Variants in DOCK4 observed in about 807,000 individuals in gnomAD.
DOCK4 encodes dedicator of cytokinesis protein 4.
DOCK4 carries 97 observed loss-of-function variants against 268.1 expected under a neutral mutation model. The ratio of observed to expected loss-of-function variants is 0.36; its 90% CI spans 0.31 to 0.43. The LOEUF is 0.43. DOCK4 is among the 20% of genes least tolerant of loss of function. DOCK4 has a pLI of 1.00. For missense variants in DOCK4, 2,145 were observed against 2,455.7 expected (o/e 0.87, Z 2.67); for synonymous variants, 954 against 887.2 (o/e 1.08, Z -1.34).
chr7:111,998,086 T>G (rs537463472), intron 4 of DOCK4, among the ~76,000 whole-genome samples: 1 of 152,194 alleles, frequency 6.6e-6, no homozygotes, highest in African/African-American at 2.4e-5. Context: ...GTGGTGAACC[T>G]AGGAAATTCC....
At position 111,945,910 on chromosome 7, in the gene DOCK4, T is replaced by C. The variant is rs538469333; in HGVS notation, c.702-112A>G. 7.2e-4 allele frequency: 535 copies of C among 741,294 alleles called. 11 individuals are homozygous for C. In the South Asian group the frequency reaches 9.1e-3, roughly 13 times the overall value. 45.9% of individuals were successfully genotyped at this position (741,294 alleles called of 1,614,324 possible). A position where few individuals can be genotyped will look rare whatever the true frequency, so the allele number is the denominator to read the frequency against. Reference sequence around the variant, plus strand: ...TAAGCTAAATATTAGGTTGTTCATTTAACATCAACATTGCTTATATAAATT... The same window carrying C: ...TAAGCTAAATATTAGGTTGTTCATTCAACATCAACATTGCTTATATAAATT... On this transcript the variant is annotated intron_variant, in intron 8 of 52. Transcript: ENST00000428084.
chr7:112,143,362 T>C (rs977743167), intron 1 of DOCK4, among the ~76,000 whole-genome samples: 1 of 152,146 alleles, frequency 6.6e-6, no homozygotes, highest in African/African-American at 2.4e-5. Flanking sequence ...GCTGAGCTTA[T>C]ATACGGTCAA....
chr7:112,026,982 T>G (rs1159471146), intron 1 of DOCK4, among the ~76,000 whole-genome samples: 1 of 152,210 alleles, frequency 6.6e-6, no homozygotes, highest in Non-Finnish European at 1.5e-5. Flanking sequence ...ACAGAAAATG[T>G]TGCTCGGCTG....
intron 40 of DOCK4, among the ~76,000 whole-genome samples, 190 bp from the exon 41 acceptor site, chr7:111,758,980 T>C (rs577077272): frequency 6.6e-6 from 1 of 152,250 alleles, no homozygotes; most frequent in African/African-American, 2.4e-5. Context: ...AAACTACAGG[T>C]CTTGAACTAG....
At chr7:112,139,759 A>G (rs1369196750) in intron 1 of DOCK4, among the ~76,000 whole-genome samples, 1 of 152,236 alleles carries the variant, frequency 6.6e-6, no homozygotes, top group African/African-American at 2.4e-5. Context: ...AGAAAAAATC[A>G]TTATCTTTTT....
intron 12 of DOCK4, among the ~76,000 whole-genome samples, chr7:111,933,444 G>A (rs1307626668): frequency 1.3e-5 from 2 of 150,994 alleles, no homozygotes; most frequent in Admixed American, 1.3e-4. Flanking sequence ...ACAGGCACGC[G>A]CCACCAGGCC....
intron 27 of DOCK4, among the ~76,000 whole-genome samples, chr7:111,813,584 A>G (rs1801311039): frequency 6.6e-6 from 1 of 152,204 alleles, no homozygotes; most frequent in Admixed American, 6.5e-5. Flanking sequence ...TACATATGTC[A>G]TATGTACCTT....
intron 1 of DOCK4, among the ~76,000 whole-genome samples, chr7:112,109,458 T>C (rs1563092991): frequency 1.3e-5 from 2 of 152,168 alleles, no homozygotes; most frequent in South Asian, 4.1e-4. Flanking sequence ...ACTGTTCTTT[T>C]GAAGAAAATG....
At chr7:112,041,941 G>T (rs960857178) in intron 1 of DOCK4, among the ~76,000 whole-genome samples, 1 of 152,086 alleles carries the variant, frequency 6.6e-6, no homozygotes, top group African/African-American at 2.4e-5. Context: ...GGCGTATAGG[G>T]GAATACAGCT....
At chr7:112,178,821 C>T (rs915193744) in intron 1 of DOCK4, among the ~76,000 whole-genome samples, 7 of 152,112 alleles carry the variant, frequency 4.6e-5, no homozygotes, top group African/African-American at 1.4e-4. Context: ...TCGGAACTAC[C>T]GATGAGCTCA....
chr7:111,747,504 G>C (rs918163558), intron 42 of DOCK4, 61 bp from the exon 43 acceptor site: 1 of 1,472,814 alleles, frequency 6.8e-7, no homozygotes. Flanking sequence ...GAAAGACAAA[G>C]TAGTTTATCC....
intron 1 of DOCK4, among the ~76,000 whole-genome samples, chr7:112,157,601 T>C (rs1209315480): frequency 2.0e-5 from 3 of 152,166 alleles, no homozygotes; most frequent in African/African-American, 7.2e-5. Context: ...GCACCCTAAC[T>C]CTGCCCTGGT....
intron 1 of DOCK4, among the ~76,000 whole-genome samples, chr7:112,034,765 G>C (rs1803592459): frequency 6.6e-6 from 1 of 152,112 alleles, no homozygotes; most frequent in Non-Finnish European, 1.5e-5. Context: ...TGTTTGGTGT[G>C]GTGGCGTGCA....
At chr7:111,846,396 TAAGC>T (rs1485191055) in intron 24 of DOCK4, among the ~76,000 whole-genome samples, 1 of 152,224 alleles carries the variant, frequency 6.6e-6, no homozygotes, top group Admixed American at 6.5e-5. Flanking sequence ...GTCCCATTTA[TAAGC>T]AAGCATGTGA....
At chr7:111,894,916 C>T (rs56402718) in intron 16 of DOCK4, among the ~76,000 whole-genome samples, 21,339 of 152,104 alleles carry the variant, frequency 0.14, 1,756 homozygotes, top group Non-Finnish European at 0.18. Flanking sequence ...TCAGCAGGAC[C>T]AGTTATCATA....
At chr7:112,035,094 T>C (rs1803636835) in intron 1 of DOCK4, among the ~76,000 whole-genome samples, 1 of 152,086 alleles carries the variant, frequency 6.6e-6, no homozygotes. Flanking sequence ...TCCAGCTGAG[T>C]TCTCCCTACC....
At chr7:111,827,591 G>C (rs780541924) in intron 26 of DOCK4, among the ~76,000 whole-genome samples, 1 of 152,130 alleles carries the variant, frequency 6.6e-6, no homozygotes, top group Non-Finnish European at 1.5e-5. Context: ...CTGAATCAGA[G>C]AAGGGATTAA....
chr7:112,023,725 G>A (rs2135423434), intron 1 of DOCK4: 2 of 406,266 alleles, frequency 4.9e-6, no homozygotes, highest in East Asian at 7.3e-5. Flanking sequence ...GAAAGGGGGT[G>A]CATACCTTGT....
intron 7 of DOCK4, among the ~76,000 whole-genome samples, chr7:111,978,283 C>T (rs969325794): frequency 6.6e-6 from 1 of 152,180 alleles, no homozygotes; most frequent in Non-Finnish European, 1.5e-5. Flanking sequence ...CTAGGCTGGA[C>T]TGCAGTGGCA....
Sources: allele counts gnomAD v4.1 joint callset (sites outside exome capture counted in the v4.1 genomes callset), GRCh38; gene constraint gnomAD v4.1.1; transcripts MANE v1.5; gene names NCBI Gene and HGNC (gene_info 2026-07-23, HGNC 2026-07-21).